Variants in ZFAT observed in about 807,000 individuals in gnomAD.
ZFAT encodes zinc finger and AT-hook domain containing, also known as zinc finger protein ZFAT.
Under a neutral mutation model 117.7 loss-of-function variants are expected in ZFAT, and 64 were observed. That is an observed-to-expected ratio of 0.54 (90% confidence interval 0.44 to 0.67). The LOEUF is 0.67. ZFAT is among the 30% of genes least tolerant of loss of function. The pLI is 0.00. For missense variants in ZFAT, 1,433 were observed against 1,584.5 expected (o/e 0.90, Z 1.62); for synonymous variants, 679 against 615.0 (o/e 1.10, Z -1.54).
the ZFAT span, among the ~76,000 whole-genome samples, chr8:134,832,216 G>A: frequency 2.0e-5 from 3 of 151,446 alleles, no homozygotes; most frequent in East Asian, 2.0e-4. Context: ...CGCCGCGTCC[G>A]TCATGGCGCG....
rs757903346 is a variant in ZFAT at position 134,532,819 on chromosome 8, T to C, written c.3115+15A>G. 1 of 1,608,716 alleles carries C rather than the reference T, an allele frequency of 6.2e-7. No individual in the cohort carries two copies. Among genetic ancestry groups the C allele is most frequent in the Non-Finnish European group, 8.5e-7 (1 of 1,178,312 alleles). ...GGAAGCGGGCAGGGCCCCAGCTCGC[T>C]GGCCCCTCGCCTACCTTGCTGGATG... On this transcript the variant is annotated intron_variant, in intron 12 of 15. Coordinates refer to ENST00000377838, the MANE Select transcript of ZFAT (RefSeq NM_020863.4).
intron 11 of ZFAT, among the ~76,000 whole-genome samples, chr8:134,560,963 C>G (rs369216366): frequency 2.2e-4 from 33 of 152,342 alleles, no homozygotes; most frequent in African/African-American, 7.7e-4. Flanking sequence ...TTGAAAATAT[C>G]AGTTCCATCC....
the ZFAT span, among the ~76,000 whole-genome samples, chr8:134,745,907 G>A: frequency 6.6e-6 from 1 of 152,178 alleles, no homozygotes; most frequent in Non-Finnish European, 1.5e-5. Context: ...GATGGGGTTG[G>A]TTGCAGTCTG....
intron 4 of ZFAT, 116 bp from the exon 5 acceptor site, chr8:134,608,995 G>T: frequency 1.6e-6 from 2 of 1,242,820 alleles, no homozygotes; most frequent in Non-Finnish European, 2.1e-6. Context: ...TGATACCCAC[G>T]CAAGATAGTT....
the ZFAT span, among the ~76,000 whole-genome samples, chr8:134,807,261 C>G: frequency 6.6e-6 from 1 of 152,148 alleles, no homozygotes; most frequent in African/African-American, 2.4e-5. Flanking sequence ...AATGCTGAAA[C>G]CAAGTTAGAT....
intron 3 of ZFAT, among the ~76,000 whole-genome samples, chr8:134,633,663 G>C (rs1159120806): frequency 2.6e-5 from 4 of 152,216 alleles, no homozygotes; most frequent in Admixed American, 1.3e-4. Flanking sequence ...CTCACAACCA[G>C]CTCCACCACA....
chr8:134,755,248 CAA>C, the ZFAT span, among the ~76,000 whole-genome samples: 48,492 of 114,130 alleles, frequency 0.42, 8,503 homozygotes, highest in Admixed American at 0.5. Context: ...TACTAAAATA[CAA>C]AAAAAAAAAA....
chr8:134,531,938 T>G (rs1330434080), intron 12 of ZFAT, among the ~76,000 whole-genome samples: 1 of 152,210 alleles, frequency 6.6e-6, no homozygotes, highest in Non-Finnish European at 1.5e-5. Flanking sequence ...ACATCTCTGT[T>G]TACTGGGGGC....
At chr8:134,732,341 G>A in the ZFAT span, among the ~76,000 whole-genome samples, 1 of 152,200 alleles carries the variant, frequency 6.6e-6, no homozygotes, top group Non-Finnish European at 1.5e-5. Context: ...AGAAGCAAGG[G>A]CAGACAAGAT....
At chr8:134,566,699 C>T (rs1289665718) in intron 10 of ZFAT, among the ~76,000 whole-genome samples, 4 of 152,204 alleles carry the variant, frequency 2.6e-5, no homozygotes, top group Non-Finnish European at 5.9e-5. Context: ...TTGCACCTTT[C>T]CCTCTTAGAT....
chr8:134,566,407 A>AAAAAAAAAAAAAAAAAAAT (rs1824471110), intron 10 of ZFAT, among the ~76,000 whole-genome samples: 1 of 151,714 alleles, frequency 6.6e-6, no homozygotes, highest in African/African-American at 2.4e-5. Flanking sequence ...AAAAAAAAAA[A>AAAAAAAAAAAAAAAAAAAT]AAAGATTAAG....
chr8:134,775,645 G>C, the ZFAT span, among the ~76,000 whole-genome samples: 4 of 152,184 alleles, frequency 2.6e-5, no homozygotes, highest in Non-Finnish European at 4.4e-5. Flanking sequence ...CAAGTACTGG[G>C]TTCATCATTC....
chr8:134,604,399 G>A (rs1489362923), intron 5 of ZFAT, among the ~76,000 whole-genome samples: 1 of 152,218 alleles, frequency 6.6e-6, no homozygotes, highest in East Asian at 1.9e-4. Flanking sequence ...CTGCAAAGAA[G>A]TCTCCCTGTG....
chr8:134,615,034 AG>A (rs1392780788), intron 3 of ZFAT, among the ~76,000 whole-genome samples: 11 of 152,220 alleles, frequency 7.2e-5, no homozygotes, highest in Non-Finnish European at 1.6e-4. Flanking sequence ...ACAAAAGAGC[AG>A]GGGACAGAAC....
At chr8:134,702,663 T>C (rs1313741852) in intron 1 of ZFAT, among the ~76,000 whole-genome samples, 4 of 151,074 alleles carry the variant, frequency 2.6e-5, no homozygotes, top group Non-Finnish European at 4.4e-5. Context: ...AAATCTCTAT[T>C]TCTTTTTTTT....
chr8:134,705,971 C>T (rs1834141580), intron 1 of ZFAT, among the ~76,000 whole-genome samples: 1 of 152,146 alleles, frequency 6.6e-6, no homozygotes, highest in Non-Finnish European at 1.5e-5. Flanking sequence ...GATACCACTG[C>T]ATATCCTCTA....
At chr8:134,736,113 C>T in the ZFAT span, among the ~76,000 whole-genome samples, 7 of 152,070 alleles carry the variant, frequency 4.6e-5, no homozygotes, top group Admixed American at 1.3e-4. Flanking sequence ...AATGTTAGAA[C>T]TGAAGTCCAT....
At chr8:134,756,320 G>A in the ZFAT span, among the ~76,000 whole-genome samples, 2 of 152,168 alleles carry the variant, frequency 1.3e-5, no homozygotes, top group Non-Finnish European at 2.9e-5. Flanking sequence ...CTTTAGCCAC[G>A]TGCAGAGGCA....
At chr8:134,652,354 T>A (rs1381310709) in intron 2 of ZFAT, among the ~76,000 whole-genome samples, 1 of 152,154 alleles carries the variant, frequency 6.6e-6, no homozygotes, top group African/African-American at 2.4e-5. Context: ...CATTCAGATT[T>A]CTTTACAAAG....
Sources: allele counts gnomAD v4.1 joint callset (sites outside exome capture counted in the v4.1 genomes callset), GRCh38; gene constraint gnomAD v4.1.1; transcripts MANE v1.5; gene names NCBI Gene and HGNC (gene_info 2026-07-23, HGNC 2026-07-21).